Variants in UTY observed in about 807,000 individuals in gnomAD.
UTY encodes histone demethylase UTY.
UTY carries 12 observed loss-of-function variants against 32.5 expected under a neutral mutation model. That is an observed-to-expected ratio of 0.37 (90% CI 0.24 to 0.60). UTY has a LOEUF of 0.60. Among genes scored for constraint, UTY ranks in the 20% least tolerant of loss-of-function variants. The pLI is 0.69. For missense variants in UTY, 303 were observed against 299.2 expected, an observed-to-expected ratio of 1.01 and a Z score of -0.09; for synonymous variants, 131 against 103.4, an observed-to-expected ratio of 1.27 and a Z score of -1.62.
At chrY:13,269,612 A>AAAAC (rs2056153562) in intron 27 of UTY, among the ~76,000 whole-genome samples, 4 of 29,509 alleles carry the variant, frequency 1.4e-4, no homozygotes, top group African/African-American at 6.5e-4. Flanking sequence ...CAAAACAAAA[A>AAAAC]AAAACTGCAG....
chrY:13,479,196 C>T, intron 2 of UTY, 58 bp downstream of exon 2: 1 of 352,759 alleles, frequency 2.8e-6, no homozygotes, highest in South Asian at 3.1e-5. Flanking sequence ...CGGTAAGGAA[C>T]GCGGGGCCTT....
chrY:13,357,846 A>G, intron 15 of UTY, 31 bp downstream of exon 15: 4 of 359,854 alleles, frequency 1.1e-5, no homozygotes, highest in Non-Finnish European at 1.6e-5. Flanking sequence ...CTGCTTTCGA[A>G]TTGGGGGAAA....
At position 13,324,722 on chromosome Y, in the gene UTY, A is replaced by G. The variant is rs1161447284; in HGVS notation, c.2965-16T>C. 2 of 377,571 alleles carry G rather than the reference A, an allele frequency of 5.3e-6. No homozygotes were observed. Among genetic ancestry groups the G allele is most frequent in the South Asian group, 3.1e-5 (1 of 32,421 alleles). 94.2% of individuals were successfully genotyped at this position (377,571 alleles called of 400,897 possible). A position where few individuals can be genotyped will look rare whatever the true frequency, so the allele number is the denominator to read the frequency against. ...TATTTTCCAACTGTAAAAGCAAAAT[A>G]TTTTGTTAGGTCTCAGATAAATGAC... On this transcript the variant is annotated splice_polypyrimidine_tract_variant and intron_variant, in intron 19 of 29. Coordinates refer to ENST00000545955, the MANE Select transcript of UTY (RefSeq NM_001258249.2).
chrY:13,349,554 C>A, intron 17 of UTY, among the ~76,000 whole-genome samples: 1 of 32,764 alleles, frequency 3.1e-5, no homozygotes, highest in East Asian at 8.2e-4. Context: ...CTGGCTGCTG[C>A]CTCCTTTGTC....
At chrY:13,406,054 C>T in intron 6 of UTY, among the ~76,000 whole-genome samples, 1 of 33,122 alleles carries the variant, frequency 3.0e-5, no homozygotes, top group African/African-American at 1.2e-4. Flanking sequence ...ATTTCAAAGA[C>T]CACTTGATCT....
At chrY:13,359,047 C>G (rs764099984) in intron 13 of UTY, 41 bp downstream of exon 13, 1 of 384,565 alleles carries the variant, frequency 2.6e-6, no homozygotes, top group Admixed American at 8.0e-5. Flanking sequence ...AAAAAAAACC[C>G]TTAAAGCTGG....
intron 4 of UTY, among the ~76,000 whole-genome samples, chrY:13,417,118 C>T: frequency 2.9e-5 from 1 of 33,923 alleles, no homozygotes; most frequent in Admixed American, 2.6e-4. Context: ...AATATTCAAC[C>T]GTTCTCTTCA....
In UTY at chrY:13,358,048, G is replaced by A; in HGVS notation, c.1477-79C>T. ...TAGAGTTATGACTAGTGAGAACCAA[G>A]TGACTAGGAATCGGAATAGGTATAT... is the stretch of plus-strand genomic sequence containing the variant. On this transcript the variant is annotated intron_variant, in intron 14 of 29. Transcript: ENST00000545955. The A allele has an allele frequency of 3.0e-5, 7 of 237,091 alleles. No individual in the cohort carries two copies. The Admixed American group carries it at 6.0e-4, about 20-fold the overall frequency. 59.1% of individuals were successfully genotyped at this position (237,091 alleles called of 400,897 possible).
chrY:13,460,243 C>G, intron 3 of UTY, among the ~76,000 whole-genome samples: 1 of 32,619 alleles, frequency 3.1e-5, no homozygotes. Flanking sequence ...GAAAAAAATT[C>G]AAGAGCAAAT....
At chrY:13,359,704 T>C in intron 12 of UTY, 63 bp downstream of exon 12, 1 of 286,836 alleles carries the variant, frequency 3.5e-6, no homozygotes, top group East Asian at 1.1e-4. Context: ...CCAGCCACCC[T>C]TCTCCTGCCA....
Position 13,470,227 on chromosome Y carries a change from A to G in UTY, c.219T>C (p.Ala73=), listed in dbSNP as rs748359023. 2.6e-6 allele frequency: 1 copy of G among 390,287 alleles called. No homozygotes were observed. Among genetic ancestry groups the G allele is most frequent in the Non-Finnish European group, 3.6e-6 (1 of 278,512 alleles). Residue 73 remains alanine, a splice_region_variant and synonymous_variant, in exon 3 of 30, where the codon GCT becomes GCC. Coordinates refer to ENST00000545955, the MANE Select transcript of UTY (RefSeq NM_001258249.2). Reference sequence around the variant, plus strand: ...AGATTAAAGATTCGTAGCAGCGAACAGCCTAGAAATAAAAATTATAAACAT... The same window carrying G: ...AGATTAAAGATTCGTAGCAGCGAACGGCCTAGAAATAAAAATTATAAACAT... ...GARTKTLLGK[A]VRCYESLILK...
intron 4 of UTY, among the ~76,000 whole-genome samples, chrY:13,429,933 G>A (rs2073817087): frequency 8.9e-5 from 3 of 33,695 alleles, no homozygotes; most frequent in African/African-American, 3.5e-4. Context: ...TGTGTGTCAG[G>A]AATAAGTCCC....
At chrY:13,468,413 C>T (rs775939569) in intron 3 of UTY, among the ~76,000 whole-genome samples, 181 of 33,526 alleles carry the variant, frequency 5.4e-3, no homozygotes, top group Middle Eastern at 0.014. Context: ...CGGTGGCTCA[C>T]GCCTGTAATC....
intron 27 of UTY, among the ~76,000 whole-genome samples, chrY:13,266,097 C>T: frequency 3.1e-5 from 1 of 32,780 alleles, no homozygotes; most frequent in African/African-American, 1.2e-4. Flanking sequence ...GTACCAGCTC[C>T]TCTTTGTACC....
At chrY:13,265,337 T>C in intron 27 of UTY, among the ~76,000 whole-genome samples, 1 of 34,013 alleles carries the variant, frequency 2.9e-5, no homozygotes, top group African/African-American at 1.1e-4. Flanking sequence ...TTGGGCAGTA[T>C]GGCCATTTTC....
chrY:13,347,195 G>C (rs2061974916), intron 17 of UTY, among the ~76,000 whole-genome samples: 1 of 32,645 alleles, frequency 3.1e-5, no homozygotes, highest in Non-Finnish European at 7.5e-5. Context: ...TTCTCTTTGT[G>C]ATCAGTGGAC....
chrY:13,429,453 C>T lies in UTY; in HGVS notation c.376-14660G>A, dbSNP rs368294560. Among the ~76,000 whole-genome samples the T allele has an allele frequency of 0.014, 444 of 32,757 alleles. No individual in the cohort carries two copies. The Middle Eastern group carries it at 0.24, about 17-fold the overall frequency. 87.9% of individuals were successfully genotyped at this position (32,757 alleles called of 37,273 possible). A position where few individuals can be genotyped will look rare whatever the true frequency, so the allele number is the denominator to read the frequency against. The stretch of plus-strand genomic sequence containing the variant: ...GTTTTTGTCCTTGATTCTGCTTGCA[C>T]GTGATATATCATACTTACTGACTTG... On this transcript the variant is annotated intron_variant, in intron 4 of 29. Coordinates refer to ENST00000545955, the MANE Select transcript of UTY (RefSeq NM_001258249.2).
intron 21 of UTY, among the ~76,000 whole-genome samples, chrY:13,314,153 A>G: frequency 5.9e-5 from 2 of 33,721 alleles, no homozygotes; most frequent in African/African-American, 2.3e-4. Context: ...AAAATAGAAG[A>G]TGTATTTTAC....
intron 27 of UTY, among the ~76,000 whole-genome samples, chrY:13,278,901 C>T (rs749454752): frequency 7.8e-3 from 264 of 33,689 alleles, no homozygotes; most frequent in Admixed American, 0.025. Flanking sequence ...ACAGAAGGAG[C>T]CAGGCAGTGG....
Sources: allele counts gnomAD v4.1 joint callset (sites outside exome capture counted in the v4.1 genomes callset), GRCh38; gene constraint gnomAD v4.1.1; transcripts MANE v1.5; gene names NCBI Gene and HGNC (gene_info 2026-07-23, HGNC 2026-07-21).